Variants in TFDP2 observed in about 807,000 individuals in gnomAD.
TFDP2 encodes the protein transcription factor Dp-2.
Under a neutral mutation model 59.3 loss-of-function variants are expected in TFDP2, and 17 were observed. That is an observed-to-expected ratio of 0.29 (90% confidence interval 0.20 to 0.43). TFDP2 has a LOEUF of 0.43. TFDP2 is among the 20% of genes least tolerant of loss of function. The pLI is 1.00. For missense variants in TFDP2, 391 were observed against 528.8 expected, an observed-to-expected ratio of 0.74 and a Z score of 2.56; for synonymous variants, 180 against 194.7, an observed-to-expected ratio of 0.92 and a Z score of 0.63.
At chr3:142,117,221 C>T (rs146963620) in intron 1 of TFDP2, among the ~76,000 whole-genome samples, 3 of 151,710 alleles carry the variant, frequency 2.0e-5, no homozygotes, top group Non-Finnish European at 4.4e-5. Flanking sequence ...GCACCCGGCC[C>T]GAAAAAGATT....
intron 11 of TFDP2, among the ~76,000 whole-genome samples, chr3:141,956,386 T>C (rs904047051): frequency 6.6e-6 from 1 of 151,996 alleles, no homozygotes; most frequent in Admixed American, 6.6e-5. Flanking sequence ...ACCCTGTCTC[T>C]ACTAAAAATA....
chr3:141,969,217 A>C (rs1241835076), intron 9 of TFDP2, among the ~76,000 whole-genome samples: 1 of 102,260 alleles, frequency 9.8e-6, no homozygotes, highest in African/African-American at 4.1e-5. Context: ...ATATATATAT[A>C]TCTCATATAT....
chr3:142,079,928 T>G (rs1560121570), intron 3 of TFDP2, among the ~76,000 whole-genome samples: 2 of 152,208 alleles, frequency 1.3e-5, no homozygotes, highest in Non-Finnish European at 2.9e-5. Context: ...AGGATGTTAA[T>G]GAGCAATAAG....
intron 1 of TFDP2, among the ~76,000 whole-genome samples, chr3:142,110,785 C>T (rs1208533632): frequency 6.6e-6 from 1 of 151,674 alleles, no homozygotes; most frequent in Non-Finnish European, 1.5e-5. Context: ...GATCCTATCT[C>T]TCAAAAAATA....
At chr3:142,063,135 T>G (rs550552880) in intron 3 of TFDP2, among the ~76,000 whole-genome samples, 1 of 152,268 alleles carries the variant, frequency 6.6e-6, no homozygotes, top group East Asian at 1.9e-4. Context: ...ATTATAAAAG[T>G]AATATCCAGT....
chr3:142,052,856 C>A (rs1272992537), intron 3 of TFDP2, among the ~76,000 whole-genome samples: 1 of 151,980 alleles, frequency 6.6e-6, no homozygotes, highest in Non-Finnish European at 1.5e-5. Context: ...GTCGCCCAGG[C>A]TGGAGTGCAG....
intron 3 of TFDP2, among the ~76,000 whole-genome samples, chr3:142,063,104 A>C (rs1197414960): frequency 6.6e-6 from 1 of 152,228 alleles, no homozygotes; most frequent in African/African-American, 2.4e-5. Flanking sequence ...TAATATGTAA[A>C]TATAAAACAT....
At chr3:142,040,429 ATT>A (rs11435655) in intron 3 of TFDP2, among the ~76,000 whole-genome samples, 5 of 146,046 alleles carry the variant, frequency 3.4e-5, no homozygotes, top group Admixed American at 6.9e-5. Context: ...ATCTCTACAA[ATT>A]TTTTTTTTTT....
intron 1 of TFDP2, among the ~76,000 whole-genome samples, chr3:142,129,400 T>TA (rs34669430): frequency 6.6e-6 from 1 of 150,990 alleles, no homozygotes; most frequent in Non-Finnish European, 1.5e-5. Flanking sequence ...AAAGAGATCT[T>TA]AAAAAAAGGT....
At chr3:142,040,504 C>T (rs7630837) in intron 3 of TFDP2, among the ~76,000 whole-genome samples, 131,345 of 152,128 alleles carry the variant, frequency 0.86, 57,060 homozygotes, top group African/African-American at 0.97. Context: ...CTCAGCTCAC[C>T]GCAACCTCTG....
intron 1 of TFDP2, among the ~76,000 whole-genome samples, chr3:142,125,764 C>T (rs896702725): frequency 1.3e-5 from 2 of 152,152 alleles, no homozygotes; most frequent in African/African-American, 4.8e-5. Context: ...AACTGGCTAG[C>T]TGAGAGAAAA....
chr3:142,111,728 G>A (rs940904294), intron 1 of TFDP2, among the ~76,000 whole-genome samples: 1 of 152,040 alleles, frequency 6.6e-6, no homozygotes, highest in African/African-American at 2.4e-5. Flanking sequence ...GCTAAGAGAT[G>A]AGGTAGGAAG....
At chr3:142,062,279 A>G (rs2059941673) in intron 3 of TFDP2, among the ~76,000 whole-genome samples, 1 of 151,898 alleles carries the variant, frequency 6.6e-6, no homozygotes, top group Non-Finnish European at 1.5e-5. Context: ...GCCAACAGTG[A>G]GCTATCAGTA....
At chr3:141,981,147 A>G (rs113966975) in intron 6 of TFDP2, among the ~76,000 whole-genome samples, 2 of 152,268 alleles carry the variant, frequency 1.3e-5, no homozygotes, top group East Asian at 1.9e-4. Flanking sequence ...AAAATCTTTT[A>G]CAAGGTATTT....
At chr3:142,016,566 G>A (rs1269775273) in intron 3 of TFDP2, among the ~76,000 whole-genome samples, 1 of 152,204 alleles carries the variant, frequency 6.6e-6, no homozygotes, top group Non-Finnish European at 1.5e-5. Context: ...ATCCCTAAGT[G>A]CTGGGATTAC....
chr3:142,101,929 T>C (rs755430775), intron 1 of TFDP2, 88 bp from the exon 2 acceptor site: 4 of 434,306 alleles, frequency 9.2e-6, no homozygotes, highest in Non-Finnish European at 1.6e-5. Context: ...TGCATTGTTA[T>C]CTAAGTGAAC....
intron 3 of TFDP2, among the ~76,000 whole-genome samples, chr3:142,032,847 A>G (rs867285431): frequency 1.3e-5 from 2 of 152,210 alleles, no homozygotes; most frequent in South Asian, 4.1e-4. Context: ...GAGCTATACC[A>G]TCCAAAATGG....
At position 141,949,704 on chromosome 3, in the gene TFDP2, A is replaced by C. The variant is rs1935713605; in HGVS notation, c.*2809T>G. 6.6e-6 allele frequency: 1 copy of C among 152,238 alleles called. No homozygotes were observed. Among genetic ancestry groups the C allele is most frequent in the African/African-American group, 2.4e-5 (1 of 41,414 alleles). 9.4% of individuals were successfully genotyped at this position (152,238 alleles called of 1,614,324 possible). A position where few individuals can be genotyped will look rare whatever the true frequency, so the allele number is the denominator to read the frequency against. The stretch of plus-strand genomic sequence containing the variant: ...GGAAAAGGCCTCTTGAACTCCCCAC[A>C]ATCAGTGTGTGCCAGCAGCCCTGGG... On this transcript the variant is annotated 3_prime_UTR_variant, in exon 13 of 13. Coordinates refer to ENST00000489671, the MANE Select transcript of TFDP2 (RefSeq NM_001178139.2).
intron 6 of TFDP2, among the ~76,000 whole-genome samples, chr3:141,988,488 T>C (rs1942379787): frequency 6.6e-6 from 1 of 152,080 alleles, no homozygotes; most frequent in Non-Finnish European, 1.5e-5. Context: ...AGGTTCTTCC[T>C]GATCTAGTTT....
Sources: gnomAD v4.1 joint callset for allele counts (sites outside exome capture counted in the v4.1 genomes callset) on GRCh38, gnomAD v4.1.1 for gene constraint, MANE v1.5 for transcripts, NCBI Gene and HGNC (gene_info 2026-07-23, HGNC 2026-07-21) for gene names.